The following SEPHS1 variants were observed in gnomAD, a reference collection of about 807,000 sequenced individuals.
SEPHS1 encodes the protein selenophosphate synthetase 1.
A neutral mutation model predicts 39.2 loss-of-function variants in SEPHS1; 7 were observed. The observed-to-expected ratio is 0.18, with a 90% CI of 0.10 to 0.34. The LOEUF is 0.34. Ranked by LOEUF, SEPHS1 falls within the 10% of genes least tolerant of loss-of-function variation. SEPHS1 has a pLI of 1.00. For synonymous variants in SEPHS1, 190 were observed against 195.5 expected, an observed-to-expected ratio of 0.97 and a Z score of 0.23; for missense variants, 253 against 514.5, an observed-to-expected ratio of 0.49 and a Z score of 4.92.
intron 5 of SEPHS1, among the ~76,000 whole-genome samples, chr10:13,333,304 T>G (rs1833523694): frequency 6.6e-6 from 1 of 151,322 alleles, no homozygotes; most frequent in Admixed American, 6.6e-5. Flanking sequence ...TGGCTAATTG[T>G]GTATTTTTAG....
Position 13,318,970 on chromosome 10 carries a change from G to C in SEPHS1, c.*172C>G. On this transcript the variant is annotated 3_prime_UTR_variant, in exon 9 of 9. Coordinates refer to ENST00000327347, the MANE Select transcript of SEPHS1 (RefSeq NM_012247.5). ...AGGTGCATCTTCAGTTAATGTAACA[G>C]GAAAAAAAGGCAATGGATTTTATTT... The C allele has an allele frequency of 1.6e-6, 1 of 627,388 alleles. No homozygotes were observed. Among genetic ancestry groups the C allele is most frequent in the Non-Finnish European group, 2.7e-6 (1 of 366,914 alleles). 38.9% of individuals were successfully genotyped at this position (627,388 alleles called of 1,614,324 possible).
At chr10:13,333,176 C>T (rs1452147665) in intron 5 of SEPHS1, among the ~76,000 whole-genome samples, 2 of 151,654 alleles carry the variant, frequency 1.3e-5, no homozygotes, top group Non-Finnish European at 2.9e-5. Context: ...TCTTGTTGCC[C>T]AGGCTGGAGT....
At chr10:13,332,716 G>A (rs367682953) in intron 5 of SEPHS1, among the ~76,000 whole-genome samples, 9 of 151,894 alleles carry the variant, frequency 5.9e-5, no homozygotes, top group African/African-American at 2.2e-4. Context: ...GGTGGCAGGT[G>A]CCTGTAGTCC....
At chr10:13,340,225 A>G (rs1271133063) in intron 2 of SEPHS1, among the ~76,000 whole-genome samples, 2 of 151,992 alleles carry the variant, frequency 1.3e-5, no homozygotes, top group Non-Finnish European at 1.5e-5. Context: ...ATCTCACTCA[A>G]TAAAAAGCCA....
chr10:13,327,121 G>C (rs1348050920), intron 7 of SEPHS1, among the ~76,000 whole-genome samples: 2 of 151,560 alleles, frequency 1.3e-5, no homozygotes, highest in African/African-American at 4.8e-5. Flanking sequence ...CGTGCCTGTA[G>C]TCCCAGCTAC....
rs759672659 is a variant in SEPHS1 at position 13,344,783 on chromosome 10, A to G, written c.168T>C (p.Phe56=). 2.6e-6 allele frequency: 4 copies of G among 1,550,974 alleles called. No homozygotes were observed. The highest frequency in any genetic ancestry group is 3.7e-5 in the Admixed American group (2 of 54,494). Residue 56 remains phenylalanine (F), a synonymous_variant, in exon 2 of 9, where the codon TTT becomes TTC. Coordinates refer to ENST00000327347, the MANE Select transcript of SEPHS1 (RefSeq NM_012247.5). ...CAAGCCTTGGCATAACGGCTCCCAG[A>G]AACTGCTCATCTTCTTGGAAGTGGT... ...QENHFQEDEQ[F]LGAVMPRLGI... is the part of the protein sequence containing the mutation.
At chr10:13,320,268 A>G (rs1355376346) in intron 8 of SEPHS1, among the ~76,000 whole-genome samples, 6 of 146,760 alleles carry the variant, frequency 4.1e-5, no homozygotes, top group Non-Finnish European at 6.0e-5. Flanking sequence ...TGCAAGCTCC[A>G]CCTCCCGGGT....
In SEPHS1 at chr10:13,331,155, T is replaced by C. The variant is rs575609774; in HGVS notation, c.561-1367A>G. 5.1e-4 allele frequency among the ~76,000 whole-genome samples: 77 copies of C among 150,526 alleles called. 1 individual carries two copies. In the Middle Eastern group the frequency reaches 0.014, roughly 27 times the overall value. ...CAGCTTCATCCATCTCCCTGCAAAG[T>C]ACATGAACTCATCCTTTTTTACGGC... On this transcript the variant is annotated intron_variant, in intron 5 of 8. Transcript: ENST00000327347.
At position 13,348,208 on chromosome 10, in the gene SEPHS1, G is replaced by A. The variant is rs1361208307; in HGVS notation, c.-287C>T. ...GGCCCTGCGGGAGCCGGGCCGCCGC[G>A]CTCCCGCCGGCTGGGCGCGCGGGGG... On this transcript the variant is annotated 5_prime_UTR_variant, in exon 1 of 9. Coordinates refer to ENST00000327347, the MANE Select transcript of SEPHS1 (RefSeq NM_012247.5). The A allele has an allele frequency of 6.9e-6, 1 of 145,734 alleles. No homozygotes were observed. Among genetic ancestry groups the A allele is most frequent in the African/African-American group, 2.5e-5 (1 of 40,400 alleles). The allele number at this position is 145,734 out of a possible 1,614,324, so 9.0% of individuals were successfully genotyped here.
rs1832976705 is a variant in SEPHS1, at chr10:13,317,509, T to C, written c.*1633A>G. On this transcript the variant is annotated 3_prime_UTR_variant, in exon 9 of 9. Transcript: ENST00000327347. ...TTTTGAGGACCAACATCTCTATCAATTCCTATAAAATGTCCAATCACTTTC... is the reference window on the plus strand; with the variant it reads ...TTTTGAGGACCAACATCTCTATCAACTCCTATAAAATGTCCAATCACTTTC... 1 of 152,098 alleles carries C rather than the reference T, an allele frequency of 6.6e-6. No homozygotes were observed. The highest frequency in any genetic ancestry group is 6.6e-5 in the Admixed American group (1 of 15,260). The allele number at this position is 152,098 out of a possible 1,614,324, so 9.4% of individuals were successfully genotyped here. A position where few individuals can be genotyped will look rare whatever the true frequency, so the allele number is the denominator to read the frequency against.
At chr10:13,323,596 G>A (rs192830021) in intron 7 of SEPHS1, among the ~76,000 whole-genome samples, 106 of 151,992 alleles carry the variant, frequency 7.0e-4, no homozygotes, top group Middle Eastern at 3.4e-3. Context: ...CTCATGATCC[G>A]CCCGCCCTGG....
chr10:13,325,967 A>G (rs1588535619), intron 7 of SEPHS1, among the ~76,000 whole-genome samples: 1 of 112,842 alleles, frequency 8.9e-6, no homozygotes, highest in Non-Finnish European at 2.0e-5. Flanking sequence ...AAAAAAAATA[A>G]TAATAATAAT....
At chr10:13,326,169 T>A (rs1833283035) in intron 7 of SEPHS1, among the ~76,000 whole-genome samples, 1 of 152,010 alleles carries the variant, frequency 6.6e-6, no homozygotes, top group African/African-American at 2.4e-5. Context: ...TTGCCTTTAC[T>A]CCTTTGTCAA....
At chr10:13,347,780 C>CGCGGCGGCGGCG (rs537003074) in intron 1 of SEPHS1, among the ~76,000 whole-genome samples, 1 of 138,388 alleles carries the variant, frequency 7.2e-6, no homozygotes, top group Non-Finnish European at 1.6e-5. Flanking sequence ...CCCGGCCCCG[C>CGCGGCGGCGGCG]GCGGCGGCGG....
rs34788028 is a variant in SEPHS1, at chr10:13,327,240, C to CAAAA, written c.751+1107_751+1110dup. 5.7e-4 allele frequency among the ~76,000 whole-genome samples: 47 copies of CAAAA among 82,794 alleles called. 3 individuals carry two copies. The highest frequency in any genetic ancestry group is 1.1e-3 in the African/African-American group (20 of 18,714). The allele number at this position is 82,794 out of a possible 152,430, so 54.3% of individuals were successfully genotyped here. On this transcript the variant is annotated intron_variant, in intron 7 of 8. Transcript: ENST00000327347. ...TGGGCGACAGAGTTAGATTCTGTCT[C>CAAAA]AAAAAAAAAAAAAAAAAAAAAAAAA... is the stretch of plus-strand genomic sequence containing the variant.
At position 13,345,025 on chromosome 10, in the gene SEPHS1, C is replaced by T; in HGVS notation, c.-75G>A. The T allele has an allele frequency of 3.1e-6, 4 of 1,304,982 alleles. No homozygotes were observed. 80.8% of individuals were successfully genotyped at this position (1,304,982 alleles called of 1,614,324 possible). A position where few individuals can be genotyped will look rare whatever the true frequency, so the allele number is the denominator to read the frequency against. ...CGGGTTGGCTGGGTTCTTTATGGAT[C>T]CACCTGGGTGTCACCAAAACACAAA... On this transcript the variant is annotated 5_prime_UTR_variant, in exon 2 of 9. Transcript: ENST00000327347.
chr10:13,346,759 C>T (rs986038962), intron 1 of SEPHS1, among the ~76,000 whole-genome samples: 2 of 152,134 alleles, frequency 1.3e-5, no homozygotes, highest in African/African-American at 4.8e-5. Flanking sequence ...CACGAGGCAT[C>T]CAGTTATTTT....
chr10:13,340,173 C>T (rs924212009), intron 2 of SEPHS1, among the ~76,000 whole-genome samples: 6 of 152,122 alleles, frequency 3.9e-5, no homozygotes, highest in East Asian at 3.9e-4. Flanking sequence ...CTCACAGAGG[C>T]GGGTCATGGA....
intron 5 of SEPHS1, among the ~76,000 whole-genome samples, chr10:13,331,361 T>A (rs1440542217): frequency 6.6e-6 from 1 of 151,812 alleles, no homozygotes; most frequent in East Asian, 1.9e-4. Context: ...GTAATGGGAT[T>A]GCTGGGTCAA....
Sources: allele counts gnomAD v4.1 joint callset (sites outside exome capture counted in the v4.1 genomes callset), GRCh38; gene constraint gnomAD v4.1.1; transcripts MANE v1.5; gene names NCBI Gene and HGNC (gene_info 2026-07-23, HGNC 2026-07-21).